The following GALNTL6 variants were observed in gnomAD, a reference collection of about 807,000 sequenced individuals.
GALNTL6 encodes the protein polypeptide N-acetylgalactosaminyltransferase-like 6.
Under a neutral mutation model 73.7 loss-of-function variants are expected in GALNTL6, and 46 were observed. The ratio of observed to expected loss-of-function variants is 0.62; its 90% CI spans 0.49 to 0.80. The LOEUF (loss-of-function observed/expected upper bound fraction) is 0.80, where lower values mean the gene tolerates loss of function less well. Among genes scored for constraint, GALNTL6 ranks in the 30% least tolerant of loss-of-function variants. GALNTL6 has a pLI of 0.00. For missense variants in GALNTL6, 604 were observed against 755.0 expected (o/e 0.80, Z 2.34); for synonymous variants, 259 against 263.7 (o/e 0.98, Z 0.17).
chr4:172,445,011 A>C (rs1731970422), intron 5 of GALNTL6, among the ~76,000 whole-genome samples: 1 of 152,170 alleles, frequency 6.6e-6, no homozygotes, highest in Admixed American at 6.6e-5. Flanking sequence ...CTATGAATTT[A>C]GGGAAAAGCC....
At chr4:172,488,394 GTAAA>G (rs1425490088) in intron 5 of GALNTL6, among the ~76,000 whole-genome samples, 1 of 152,210 alleles carries the variant, frequency 6.6e-6, no homozygotes, top group East Asian at 1.9e-4. Context: ...GTGTCTAGGG[GTAAA>G]TAGATAACTA....
chr4:172,756,289 A>G (rs76201834), intron 5 of GALNTL6, among the ~76,000 whole-genome samples: 2,014 of 152,332 alleles, frequency 0.013, 39 homozygotes, highest in African/African-American at 0.045. Context: ...ATGCAATTAA[A>G]AAAATAATCA....
intron 3 of GALNTL6, among the ~76,000 whole-genome samples, chr4:172,278,389 C>T (rs974876296): frequency 6.6e-6 from 1 of 152,128 alleles, no homozygotes; most frequent in Admixed American, 6.6e-5. Flanking sequence ...ATAAAAACAG[C>T]TTTAAAATAT....
intron 5 of GALNTL6, among the ~76,000 whole-genome samples, chr4:172,552,858 G>GAAAAAAAAAC (rs1553960385): frequency 8.3e-6 from 1 of 119,974 alleles, no homozygotes; most frequent in Non-Finnish European, 1.6e-5. Context: ...AAAAAAAAAA[G>GAAAAAAAAAC]GTAAAAACCG....
At chr4:172,393,710 T>C (rs1417169490) in intron 5 of GALNTL6, among the ~76,000 whole-genome samples, 1 of 152,240 alleles carries the variant, frequency 6.6e-6, no homozygotes, top group African/African-American at 2.4e-5. Flanking sequence ...TTCAATTAAA[T>C]GTGGTAATGA....
intron 2 of GALNTL6, among the ~76,000 whole-genome samples, chr4:171,832,478 G>A (rs1285734618): frequency 1.3e-5 from 2 of 151,158 alleles, no homozygotes; most frequent in Non-Finnish European, 3.0e-5. Context: ...TAGATAGGGA[G>A]GTAGATAGAT....
chr4:172,802,195 G>A (rs73869675), intron 5 of GALNTL6, among the ~76,000 whole-genome samples: 2,188 of 152,168 alleles, frequency 0.014, 49 homozygotes, highest in African/African-American at 0.049. Context: ...AGTATTACCA[G>A]CAGCTGAACA....
chr4:172,264,754 A>G (rs894057860), intron 3 of GALNTL6, among the ~76,000 whole-genome samples: 1 of 150,326 alleles, frequency 6.7e-6, no homozygotes, highest in Non-Finnish European at 1.5e-5. Flanking sequence ...AATGATGTTT[A>G]TCTATCCCAG....
chr4:172,502,039 T>C (rs979635320), intron 5 of GALNTL6, among the ~76,000 whole-genome samples: 9 of 152,200 alleles, frequency 5.9e-5, no homozygotes, highest in Admixed American at 5.2e-4. Context: ...GTAATAGATA[T>C]GTACTATGTG....
chr4:172,968,011 T>A, intron 10 of GALNTL6, among the ~76,000 whole-genome samples: 1 of 152,286 alleles, frequency 6.6e-6, no homozygotes, highest in Non-Finnish European at 1.5e-5. Context: ...GCTAAAAGCA[T>A]GGCAACGCCA....
At chr4:171,863,761 CT>C (rs34368913) in intron 2 of GALNTL6, among the ~76,000 whole-genome samples, 1,533 of 145,086 alleles carry the variant, frequency 0.011, 21 homozygotes, top group African/African-American at 0.032. Context: ...AAAAGGAACA[CT>C]TTTTTTTTTT....
chr4:172,072,207 G>C (rs917824396), intron 2 of GALNTL6, among the ~76,000 whole-genome samples: 1 of 151,918 alleles, frequency 6.6e-6, no homozygotes, highest in African/African-American at 2.4e-5. Flanking sequence ...TTTCTGCCTA[G>C]CTGTTTGTAT....
At chr4:172,379,357 C>T (rs1227156925) in intron 5 of GALNTL6, among the ~76,000 whole-genome samples, 2 of 151,722 alleles carry the variant, frequency 1.3e-5, no homozygotes, top group Non-Finnish European at 2.9e-5. Flanking sequence ...GGTGAAACCC[C>T]GTCTCTACTA....
intron 5 of GALNTL6, among the ~76,000 whole-genome samples, chr4:172,587,308 T>G (rs564688112): frequency 2.4e-4 from 36 of 152,316 alleles, no homozygotes; most frequent in Middle Eastern, 3.4e-3. Context: ...CAAAATGGAC[T>G]TGATTGCTAT....
At chr4:172,092,319 A>G (rs564466022) in intron 2 of GALNTL6, among the ~76,000 whole-genome samples, 1 of 152,220 alleles carries the variant, frequency 6.6e-6, no homozygotes, top group South Asian at 2.1e-4. Context: ...AGAATCTCAA[A>G]CAAATTTGGA....
chr4:172,059,366 T>C (rs1731123529), intron 2 of GALNTL6, among the ~76,000 whole-genome samples: 1 of 152,196 alleles, frequency 6.6e-6, no homozygotes, highest in Non-Finnish European at 1.5e-5. Context: ...GAAGACATCA[T>C]ATTTCTATCT....
intron 5 of GALNTL6, among the ~76,000 whole-genome samples, chr4:172,455,606 G>A (rs530416401): frequency 6.6e-6 from 1 of 152,246 alleles, no homozygotes; most frequent in East Asian, 1.9e-4. Context: ...TTTGGACTGT[G>A]TGGAGCCCAC....
intron 5 of GALNTL6, among the ~76,000 whole-genome samples, chr4:172,581,866 A>C (rs1244183510): frequency 2.6e-5 from 4 of 152,206 alleles, no homozygotes; most frequent in Admixed American, 2.0e-4. Context: ...TGAAGGAGGT[A>C]AAAGTCTTTG....
At chr4:172,113,331 G>A (rs1732905685) in intron 2 of GALNTL6, among the ~76,000 whole-genome samples, 2 of 151,988 alleles carry the variant, frequency 1.3e-5, no homozygotes, top group Admixed American at 6.6e-5. Flanking sequence ...TAATAGCACA[G>A]GGTATAAACA....
Sources: allele counts gnomAD v4.1 joint callset (sites outside exome capture counted in the v4.1 genomes callset), GRCh38; gene constraint gnomAD v4.1.1; transcripts MANE v1.5; gene names NCBI Gene and HGNC (gene_info 2026-07-23, HGNC 2026-07-21).